TOPBP1: variants seen among roughly 807,000 people sequenced by gnomAD.
TOPBP1 encodes the protein DNA topoisomerase 2-binding protein 1.
A neutral mutation model predicts 167.7 loss-of-function variants in TOPBP1; 28 were observed. That is an observed-to-expected ratio of 0.17 (90% CI 0.12 to 0.23). The LOEUF (loss-of-function observed/expected upper bound fraction) is 0.23. TOPBP1 is among the 10% of genes least tolerant of loss of function. TOPBP1 has a pLI of 1.00. For missense variants in TOPBP1, 1,554 were observed against 1,809.6 expected (o/e 0.86, Z 2.56); for synonymous variants, 598 against 611.4 (o/e 0.98, Z 0.32).
rs544973285 is a variant in TOPBP1, at chr3:133,652,716, T to C, written c.923-87A>G. 4.2e-5 allele frequency: 48 copies of C among 1,153,176 alleles called. No homozygotes were observed. The Middle Eastern group carries it at 1.2e-3, about 29-fold the overall frequency. 71.4% of individuals were successfully genotyped at this position (1,153,176 alleles called of 1,614,324 possible). Reference sequence around the variant, plus strand: ...TATGGATTAACTTTTCTTACAAATATAGGGCAATAAACAACTTCCAAAGTA... The same window carrying C: ...TATGGATTAACTTTTCTTACAAATACAGGGCAATAAACAACTTCCAAAGTA... On this transcript the variant is annotated intron_variant, in intron 7 of 27. Transcript: ENST00000260810.
chr3:133,647,909 A>G (rs949376059), intron 10 of TOPBP1, among the ~76,000 whole-genome samples: 8 of 152,186 alleles, frequency 5.3e-5, no homozygotes, highest in Admixed American at 6.5e-5. Context: ...AGCAAATGGG[A>G]GTTAAGAGAA....
chr3:133,637,994 T>C lies in TOPBP1; in HGVS notation c.2402A>G (p.Gln801Arg), dbSNP rs199856682. 478 of 1,614,012 alleles carry C rather than the reference T, an allele frequency of 3.0e-4. No individual in the cohort carries two copies. In the Middle Eastern group the frequency reaches 3.1e-3, roughly 11 times the overall value. Residue 801 changes from glutamine to arginine, a missense_variant, in exon 14 of 28, where the codon CAG becomes CGG. Gln to Arg is a conservative substitution (Grantham distance 43, BLOSUM62 1). Coordinates refer to ENST00000260810, the MANE Select transcript of TOPBP1 (RefSeq NM_007027.4). ...FRAVVSQHAR[Q>R]VAASPAVGQP... ...TCCTACTGCTGGGGAGGCTGCGACC[T>C]GTCTGGCATGTTGTGAGACCACAGC...
At chr3:133,642,928 T>C (rs1418398803) in intron 12 of TOPBP1, among the ~76,000 whole-genome samples, 1 of 152,172 alleles carries the variant, frequency 6.6e-6, no homozygotes, top group African/African-American at 2.4e-5. Flanking sequence ...TTTGGTGTCA[T>C]TATGAAGTCA....
In TOPBP1 at chr3:133,623,446, C is replaced by G. The variant is rs1408096781; in HGVS notation, c.2940G>C (p.Glu980Asp). 10 of 1,610,304 alleles carry G rather than the reference C, an allele frequency of 6.2e-6. No individual in the cohort carries two copies. The highest frequency in any genetic ancestry group is 8.5e-6 in the Non-Finnish European group (10 of 1,178,106). ...AAAGAGATTCAGGAAGATGTTTACA[C>G]TCTTGGGCACACTGCAATACAATGG... The part of the protein sequence containing the change: ...SEHWLLDCAQ[E>D]CKHLPESLYP... Residue 980 changes from glutamate to aspartate, a missense_variant, in exon 18 of 28, where the codon GAG becomes GAC. Physicochemically the swap from Glu to Asp is conservative, Grantham distance 45. Coordinates refer to ENST00000260810, the MANE Select transcript of TOPBP1 (RefSeq NM_007027.4).
chr3:133,608,839 TG>T, intron 26 of TOPBP1, 33 bp downstream of exon 26: 1 of 1,587,064 alleles, frequency 6.3e-7, no homozygotes, highest in East Asian at 2.2e-5. Context: ...TGATTATTCA[TG>T]TAAAAAGGTC....
chr3:133,645,849 T>C (rs969566658), intron 10 of TOPBP1, among the ~76,000 whole-genome samples: 3 of 152,126 alleles, frequency 2.0e-5, no homozygotes, highest in African/African-American at 7.2e-5. Flanking sequence ...AAACCTATCA[T>C]TCAAAAAGCT....
At position 133,657,908 on chromosome 3, in the gene TOPBP1, T is replaced by C. The variant is rs1936534164; in HGVS notation, c.253A>G (p.Ile85Val). 6.3e-7 allele frequency: 1 copy of C among 1,591,640 alleles called. No individual in the cohort carries two copies. The highest frequency in any genetic ancestry group is 8.5e-7 in the Non-Finnish European group (1 of 1,172,492). ...CATCGCTGGTGGTGCATACAAAATA[T>C]GACTACTTGAGGACCAACAATTCTG... ...GCRIVGPQVV[I>V]FCMHHQRCVP... is the part of the protein sequence containing the mutation. Residue 85 changes from isoleucine to valine, a missense_variant, in exon 4 of 28, where the codon ATA becomes GTA. Ile to Val is a conservative substitution (Grantham distance 29). Coordinates refer to ENST00000260810, the MANE Select transcript of TOPBP1 (RefSeq NM_007027.4).
chr3:133,640,051 G>C lies in TOPBP1; in HGVS notation c.2141C>G (p.Pro714Arg), dbSNP rs1244388983. Residue 714 changes from proline (P) to arginine (R), a missense_variant, in exon 13 of 28, where the codon CCT becomes CGT. Around this residue, in one of 3 missense-constraint regions of TOPBP1, gnomAD observed 1,197 missense variants for 1,351.5 expected, o/e 0.89. Transcript: ENST00000260810. The part of the protein sequence containing the change: ...KYEAAKKWNL[P>R]AVTIAWLLET... ...CAACAGCCAAGCTATAGTAACGGCA[G>C]GTAAATTCCACTTCTTTGCAGCTTC... The C allele has an allele frequency of 6.2e-7, 1 of 1,613,838 alleles. No homozygotes were observed. Among genetic ancestry groups the C allele is most frequent in the Non-Finnish European group, 8.5e-7 (1 of 1,179,846 alleles).
chr3:133,613,992 C>G (rs1429063146), intron 23 of TOPBP1, among the ~76,000 whole-genome samples: 2 of 151,924 alleles, frequency 1.3e-5, no homozygotes, highest in Non-Finnish European at 2.9e-5. Context: ...GGGGTTTCAC[C>G]ATGTTTGCCA....
rs575764461 is a variant in TOPBP1 at position 133,601,266 on chromosome 3, C to T, written c.4553G>A (p.Arg1518Gln). ...KAPTEKNKIK[R>Q]PRVH is the part of the protein sequence containing the mutation. ...TAGATGCGATTAGTGTACTCTAGGT[C>T]GTTTGATTTTATTTTTTTCTGTAGG... is the stretch of plus-strand genomic sequence containing the variant. The change falls in exon 28 of 28, where the codon CGA becomes CAA. Residue 1518 changes from arginine (R) to glutamine (Q), a missense_variant. This residue lies in a region of TOPBP1 where 351 missense variants were observed against 432.9 expected (regional missense o/e 0.81). Coordinates refer to ENST00000260810, the MANE Select transcript of TOPBP1 (RefSeq NM_007027.4). 2.6e-5 allele frequency: 42 copies of T among 1,604,290 alleles called. No homozygotes were observed. Among genetic ancestry groups the T allele is most frequent in the South Asian group, 7.9e-5 (7 of 88,284 alleles).
intron 14 of TOPBP1, among the ~76,000 whole-genome samples, chr3:133,635,242 G>A (rs1935625192): frequency 6.6e-6 from 1 of 152,022 alleles, no homozygotes; most frequent in Non-Finnish European, 1.5e-5. Context: ...GAGCCACTAT[G>A]TCCAGCCATC....
Position 133,617,290 on chromosome 3 carries a change from G to C in TOPBP1, c.3629C>G (p.Ala1210Gly). The C allele has an allele frequency of 6.2e-7, 1 of 1,613,170 alleles. No individual in the cohort carries two copies. Among genetic ancestry groups the C allele is most frequent in the Non-Finnish European group, 8.5e-7 (1 of 1,179,600 alleles). Residue 1210 changes from alanine (A) to glycine (G), a missense_variant, in exon 22 of 28, where the codon GCT (alanine) becomes GGT (glycine). This residue lies in a region of TOPBP1 where 351 missense variants were observed against 432.9 expected (regional missense o/e 0.81). Transcript: ENST00000260810. ...CDPGNIRVTE[A>G]PKHPISEELE... The stretch of plus-strand genomic sequence containing the variant: ...TTCTTCAGAGATTGGGTGTTTGGGA[G>C]CTTCAGTCACACGTATGTTTCCAGG...
At chr3:133,661,486 G>T (rs1027446474) in intron 1 of TOPBP1, among the ~76,000 whole-genome samples, 9 of 152,202 alleles carry the variant, frequency 5.9e-5, no homozygotes, top group African/African-American at 2.2e-4. Context: ...CACGGCCTGC[G>T]AGGTACGTTC....
At position 133,628,648 on chromosome 3, in the gene TOPBP1, T is replaced by C; in HGVS notation, c.2606A>G (p.Lys869Arg). 1 of 1,594,808 alleles carries C rather than the reference T, an allele frequency of 6.3e-7. No individual in the cohort carries two copies. Among genetic ancestry groups the C allele is most frequent in the Non-Finnish European group, 8.5e-7 (1 of 1,169,932 alleles). The part of the protein sequence containing the change: ...PSTPLSEVIV[K>R]NLQLALANSS... ...ATTTGCCAAAGCAAGTTGCAAGTTT[T>C]TGACAATAACTTCTGAGAGTGGCGT... The change falls in exon 15 of 28, where the codon AAA becomes AGA. Residue 869 changes from lysine to arginine, a missense_variant. Physicochemically the swap from Lys to Arg is conservative, Grantham distance 26. Coordinates refer to ENST00000260810, the MANE Select transcript of TOPBP1 (RefSeq NM_007027.4).
chr3:133,651,852 C>T (rs763117811), intron 8 of TOPBP1, among the ~76,000 whole-genome samples: 2 of 151,974 alleles, frequency 1.3e-5, no homozygotes, highest in Non-Finnish European at 2.9e-5. Context: ...GACTTAAATG[C>T]GATTTTATAT....
intron 27 of TOPBP1, among the ~76,000 whole-genome samples, chr3:133,604,861 G>A (rs572370443): frequency 6.6e-6 from 1 of 152,008 alleles, no homozygotes; most frequent in East Asian, 1.9e-4. Context: ...GGAGGTTGCA[G>A]TGAGCTGATA....
chr3:133,658,154 T>C (rs575414987), intron 3 of TOPBP1, among the ~76,000 whole-genome samples: 1 of 152,242 alleles, frequency 6.6e-6, no homozygotes, highest in South Asian at 2.1e-4. Flanking sequence ...AATCAAACAA[T>C]GCAAGCTATC....
intron 23 of TOPBP1, among the ~76,000 whole-genome samples, chr3:133,616,313 G>C (rs1316164558): frequency 6.6e-6 from 1 of 151,864 alleles, no homozygotes; most frequent in African/African-American, 2.4e-5. Context: ...GTAGAGACAG[G>C]GTTTCACCAT....
At position 133,628,461 on chromosome 3, in the gene TOPBP1, G is replaced by C. The variant is rs1332974300; in HGVS notation, c.2705C>G (p.Pro902Arg). The change falls in exon 16 of 28, where the codon CCA becomes CGA. Residue 902 changes from proline to arginine, a missense_variant. By Grantham distance (103) the Pro-to-Arg change is moderately radical. Transcript: ENST00000260810. ...KEAQSEKEEA[P>R]KPLHKVVVCV... ...TACCACTACTTTGTGAAGTGGCTTT[G>C]GGGCTTCTTCCTGTCCATGGAAAAT... 1 of 1,610,580 alleles carries C rather than the reference G, an allele frequency of 6.2e-7. No homozygotes were observed. Among genetic ancestry groups the C allele is most frequent in the East Asian group, 2.2e-5 (1 of 44,796 alleles).
Sources: allele counts gnomAD v4.1 joint callset (sites outside exome capture counted in the v4.1 genomes callset), GRCh38; gene constraint gnomAD v4.1.1; regional missense constraint gnomAD v4.1.1; transcripts MANE v1.5; gene names NCBI Gene and HGNC (gene_info 2026-07-23, HGNC 2026-07-21).